KLF8: variants seen among roughly 807,000 people sequenced by gnomAD.
The protein encoded by KLF8 is Krueppel-like factor 8.
Under a neutral mutation model 18.2 loss-of-function variants are expected in KLF8, and 10 were observed. That is an observed-to-expected ratio of 0.55 (90% CI 0.34 to 0.93). The LOEUF (loss-of-function observed/expected upper bound fraction) is 0.93, where lower values mean the gene tolerates loss of function less well. Among genes scored for constraint, KLF8 ranks in the 40% least tolerant of loss-of-function variants. The pLI, the probability that KLF8 is intolerant of heterozygous loss-of-function variation, is 0.02. For missense variants in KLF8, 264 were observed against 277.9 expected (o/e 0.95, Z 0.36); for synonymous variants, 109 against 97.3 (o/e 1.12, Z -0.71).
chrX:56,225,289 C>T, the KLF8 span, among the ~76,000 whole-genome samples: 1 of 111,411 alleles, frequency 9.0e-6, no homozygotes, highest in Non-Finnish European at 1.9e-5. Context: ...GTAATAGAGA[C>T]ATTTATTCTC....
chrX:55,962,446 C>A, the KLF8 span: 2 of 236,182 alleles, frequency 8.5e-6, no homozygotes, highest in Non-Finnish European at 1.6e-5. Flanking sequence ...GCAACATGGG[C>A]TACCTTGCCC....
chrX:56,055,016 T>C, the KLF8 span, among the ~76,000 whole-genome samples: 1 of 111,954 alleles, frequency 8.9e-6, no homozygotes, highest in Non-Finnish European at 1.9e-5. Context: ...CAATGGGTCT[T>C]GGAATTTAAT....
the KLF8 span, among the ~76,000 whole-genome samples, chrX:55,992,081 G>C: frequency 8.9e-6 from 1 of 112,136 alleles, no homozygotes; most frequent in Non-Finnish European, 1.9e-5. Context: ...ATAATTTATT[G>C]TTCTTTGCAG....
the KLF8 span, among the ~76,000 whole-genome samples, chrX:56,212,566 T>A: frequency 8.9e-6 from 1 of 111,787 alleles, no homozygotes; most frequent in African/African-American, 3.3e-5. Flanking sequence ...TCAGCTGAGT[T>A]TGGTCTGGTT....
chrX:56,212,360 T>A, the KLF8 span, among the ~76,000 whole-genome samples: 1 of 21,718 alleles, frequency 4.6e-5, no homozygotes, highest in South Asian at 1.6e-3. Context: ...CAATCCACTG[T>A]CTCTAGGCTT....
At chrX:56,125,884 C>T in the KLF8 span, among the ~76,000 whole-genome samples, 2 of 111,588 alleles carry the variant, frequency 1.8e-5, no homozygotes, top group African/African-American at 6.5e-5. Flanking sequence ...TTTGTACTTC[C>T]TAGGGTTTGG....
At chrX:55,941,965 T>C in the KLF8 span, among the ~76,000 whole-genome samples, 1 of 111,372 alleles carries the variant, frequency 9.0e-6, no homozygotes, top group Non-Finnish European at 1.9e-5. Flanking sequence ...GTGGCGATTC[T>C]TCAGGGATCT....
chrX:56,258,526 C>T (rs772529635), intron 2 of KLF8, among the ~76,000 whole-genome samples: 31 of 112,119 alleles, frequency 2.8e-4, no homozygotes, highest in Admixed American at 1.4e-3. Context: ...CTGCCAGCCT[C>T]GGCCTCCCAA....
chrX:55,978,229 A>C, the KLF8 span, among the ~76,000 whole-genome samples: 1 of 110,971 alleles, frequency 9.0e-6, no homozygotes, highest in Non-Finnish European at 1.9e-5. Context: ...TTACCCTCTT[A>C]ACTATGAAAA....
the KLF8 span, among the ~76,000 whole-genome samples, chrX:56,165,755 G>T: frequency 9.1e-6 from 1 of 109,898 alleles, no homozygotes; most frequent in Admixed American, 9.8e-5. Context: ...TGGCTATTTG[G>T]AATGCTGAAG....
the KLF8 span, among the ~76,000 whole-genome samples, chrX:56,053,015 G>A: frequency 2.7e-5 from 3 of 111,807 alleles, no homozygotes; most frequent in African/African-American, 9.8e-5. Flanking sequence ...AGTCAGGTGG[G>A]AGTGACCCGA....
intron 1 of KLF8, among the ~76,000 whole-genome samples, chrX:56,247,241 A>G (rs939851863): frequency 1.8e-5 from 2 of 111,732 alleles, no homozygotes; most frequent in Non-Finnish European, 3.8e-5. Context: ...ATAATGGTGT[A>G]TATTTGTGTA....
chrX:56,054,894 G>A, the KLF8 span, among the ~76,000 whole-genome samples: 172 of 111,653 alleles, frequency 1.5e-3, no homozygotes, highest in Non-Finnish European at 2.6e-3. Flanking sequence ...CCTGAAGTTA[G>A]GATTACATTT....
the KLF8 span, among the ~76,000 whole-genome samples, chrX:56,113,576 T>TTTTTTTTTTTTTTTTTTTA: frequency 1.1e-5 from 1 of 89,640 alleles, no homozygotes; most frequent in African/African-American, 3.9e-5. Flanking sequence ...TTTTTTTTTT[T>TTTTTTTTTTTTTTTTTTTA]GTGATGTCTA....
At chrX:56,244,320 T>A (rs2066593375) in intron 1 of KLF8, among the ~76,000 whole-genome samples, 1 of 111,966 alleles carries the variant, frequency 8.9e-6, no homozygotes, top group Admixed American at 9.5e-5. Flanking sequence ...TGTGATCCTC[T>A]TGCCTCAGCC....
chrX:56,266,659 G>T (rs1385505118), intron 3 of KLF8: 2 of 751,260 alleles, frequency 2.7e-6, no homozygotes, highest in African/African-American at 4.6e-5. Flanking sequence ...CCTCCCAGAG[G>T]TATATCTGTT....
At chrX:56,275,830 C>A (rs2067115056) in intron 5 of KLF8, among the ~76,000 whole-genome samples, 1 of 112,225 alleles carries the variant, frequency 8.9e-6, no homozygotes, top group Admixed American at 9.4e-5. Context: ...ATCCCCACAT[C>A]TGTGGGATAA....
At chrX:55,941,867 A>G in the KLF8 span, among the ~76,000 whole-genome samples, 20 of 111,916 alleles carry the variant, frequency 1.8e-4, no homozygotes, top group Non-Finnish European at 3.4e-4. Context: ...TCAGAAAACA[A>G]CAGGTGCTGG....
chrX:56,187,078 T>C, the KLF8 span, among the ~76,000 whole-genome samples: 1 of 110,994 alleles, frequency 9.0e-6, no homozygotes, highest in South Asian at 3.8e-4. Context: ...AATTAATGAA[T>C]CTAGGAGCTG....
Sources: gnomAD v4.1 joint callset for allele counts (sites outside exome capture counted in the v4.1 genomes callset) on GRCh38, gnomAD v4.1.1 for gene constraint, MANE v1.5 for transcripts, NCBI Gene and HGNC (gene_info 2026-07-23, HGNC 2026-07-21) for gene names.